The following TASP1 variants were observed in gnomAD, a reference collection of about 807,000 sequenced individuals.
The protein encoded by TASP1 is threonine aspartase 1.
TASP1 carries 16 observed loss-of-function variants against 56.6 expected under a neutral mutation model. The observed-to-expected ratio is 0.28, with a 90% CI of 0.19 to 0.43. The LOEUF is 0.43. Among genes scored for constraint, TASP1 ranks in the 20% least tolerant of loss-of-function variants. The pLI, the probability that TASP1 is intolerant of heterozygous loss-of-function variation, is 1.00. For missense variants in TASP1, 393 were observed against 511.6 expected, an observed-to-expected ratio of 0.77 and a Z score of 2.24; for synonymous variants, 179 against 184.2, an observed-to-expected ratio of 0.97 and a Z score of 0.23.
At chr20:13,376,277 TCA>T in the TASP1 span, among the ~76,000 whole-genome samples, 49 of 152,326 alleles carry the variant, frequency 3.2e-4, no homozygotes, top group African/African-American at 1.1e-3. Flanking sequence ...GGGTCCAGTT[TCA>T]GTTTTCTGTA....
the TASP1 span, among the ~76,000 whole-genome samples, chr20:13,277,749 G>C: frequency 2.0e-5 from 3 of 151,876 alleles, no homozygotes; most frequent in African/African-American, 7.3e-5. Context: ...ATGGGGTAAA[G>C]CTAGTAGTGC....
chr20:13,188,482 G>C, the TASP1 span, among the ~76,000 whole-genome samples: 1,295 of 152,128 alleles, frequency 8.5e-3, 17 homozygotes, highest in African/African-American at 0.029. Flanking sequence ...AACCAAAGAG[G>C]TGAAATATCT....
At chr20:13,176,821 A>G in the TASP1 span, among the ~76,000 whole-genome samples, 1 of 152,226 alleles carries the variant, frequency 6.6e-6, no homozygotes, top group African/African-American at 2.4e-5. Flanking sequence ...TGAACAACAA[A>G]CTAGCTGAAA....
chr20:13,474,206 T>A (rs1410757153), intron 11 of TASP1, among the ~76,000 whole-genome samples: 2 of 152,224 alleles, frequency 1.3e-5, no homozygotes, highest in African/African-American at 4.8e-5. Flanking sequence ...TTTAAGTGGT[T>A]ATTTCTGATA....
At chr20:13,471,264 G>C (rs1009574571) in intron 11 of TASP1, among the ~76,000 whole-genome samples, 1 of 152,036 alleles carries the variant, frequency 6.6e-6, no homozygotes, top group African/African-American at 2.4e-5. Flanking sequence ...CCTGCATATG[G>C]AAGTACCATA....
chr20:13,296,333 A>T, the TASP1 span, among the ~76,000 whole-genome samples: 1 of 152,212 alleles, frequency 6.6e-6, no homozygotes, highest in Non-Finnish European at 1.5e-5. Flanking sequence ...GTCCCCTGTC[A>T]GTGATGAATG....
chr20:13,530,107 T>C (rs1435516068), intron 9 of TASP1, among the ~76,000 whole-genome samples: 1 of 152,194 alleles, frequency 6.6e-6, no homozygotes, highest in Non-Finnish European at 1.5e-5. Flanking sequence ...ATTTGTGAGC[T>C]GTTCCCCAAG....
At chr20:13,417,750 A>G (rs1372690949) in intron 12 of TASP1, among the ~76,000 whole-genome samples, 1 of 152,254 alleles carries the variant, frequency 6.6e-6, no homozygotes, top group Non-Finnish European at 1.5e-5. Context: ...TGATTATTAC[A>G]TGTAAAATAA....
intron 12 of TASP1, among the ~76,000 whole-genome samples, chr20:13,418,011 CA>C (rs1177104428): frequency 6.6e-6 from 1 of 152,196 alleles, no homozygotes; most frequent in Non-Finnish European, 1.5e-5. Context: ...CTCGCAGGTT[CA>C]AGTGATTTTC....
chr20:13,628,237 A>C (rs901373955), intron 2 of TASP1, among the ~76,000 whole-genome samples: 8 of 152,208 alleles, frequency 5.3e-5, no homozygotes, highest in African/African-American at 1.9e-4. Context: ...ATAGTTATAG[A>C]AAGTAAGGCT....
At chr20:13,345,916 T>TAA in the TASP1 span, among the ~76,000 whole-genome samples, 674 of 101,220 alleles carry the variant, frequency 6.7e-3, 7 homozygotes, top group African/African-American at 0.02. Flanking sequence ...CTCAGTAGGT[T>TAA]AAAAAAAAAA....
chr20:13,292,195 T>C, the TASP1 span, among the ~76,000 whole-genome samples: 8 of 152,230 alleles, frequency 5.3e-5, no homozygotes, highest in African/African-American at 1.7e-4. Flanking sequence ...GGGGTTTTAA[T>C]ATAGTTTCTG....
At chr20:13,534,546 ATTTC>A (rs1432625086) in intron 8 of TASP1, among the ~76,000 whole-genome samples, 1 of 152,160 alleles carries the variant, frequency 6.6e-6, no homozygotes, top group African/African-American at 2.4e-5. Context: ...TCTTGTTGGT[ATTTC>A]TTTAAGTATT....
the TASP1 span, among the ~76,000 whole-genome samples, chr20:13,290,420 C>T: frequency 0.013 from 1,923 of 152,256 alleles, 45 homozygotes; most frequent in African/African-American, 0.044. Context: ...GAGGCCGAGG[C>T]GGGCAGATCA....
At chr20:13,378,427 T>C in the TASP1 span, among the ~76,000 whole-genome samples, 1 of 152,154 alleles carries the variant, frequency 6.6e-6, no homozygotes, top group Non-Finnish European at 1.5e-5. Context: ...GATTGTACTG[T>C]GGTCTGAGAG....
the TASP1 span, among the ~76,000 whole-genome samples, chr20:13,136,577 G>C: frequency 3.3e-5 from 5 of 149,734 alleles, no homozygotes; most frequent in African/African-American, 1.2e-4. Flanking sequence ...TCCAGCCTGG[G>C]CAACAGAGTG....
the TASP1 span, among the ~76,000 whole-genome samples, chr20:13,355,903 A>G: frequency 6.6e-6 from 1 of 152,290 alleles, no homozygotes. Context: ...AGTCCTATGG[A>G]GATTTCATAG....
At chr20:13,620,636 G>A (rs1181958676) in intron 4 of TASP1, among the ~76,000 whole-genome samples, 1 of 152,120 alleles carries the variant, frequency 6.6e-6, no homozygotes, top group Non-Finnish European at 1.5e-5. Context: ...AAAGAGAAAA[G>A]AACAATGACT....
chr20:13,186,930 T>A, the TASP1 span, among the ~76,000 whole-genome samples: 1 of 152,204 alleles, frequency 6.6e-6, no homozygotes, highest in African/African-American at 2.4e-5. Context: ...GTTTGAATTA[T>A]CAGACAGGAA....
Sources: allele counts gnomAD v4.1 joint callset (sites outside exome capture counted in the v4.1 genomes callset), GRCh38; gene constraint gnomAD v4.1.1; transcripts MANE v1.5; gene names NCBI Gene and HGNC (gene_info 2026-07-23, HGNC 2026-07-21).